Variants in FBN1 observed in about 807,000 individuals in gnomAD.
The protein encoded by FBN1 is fibrillin-1.
A neutral mutation model predicts 365.1 loss-of-function variants in FBN1; 29 were observed. The ratio of observed to expected loss-of-function variants is 0.08; its 90% CI spans 0.06 to 0.11. The LOEUF is 0.11. Among genes scored for constraint, FBN1 ranks in the 10% least tolerant of loss-of-function variants. The probability of loss-of-function intolerance (pLI) is 1.00; values close to 1 mark genes in which losing one functional copy is unlikely to be tolerated. For missense variants in FBN1, 2,476 were observed against 3,703.2 expected, an observed-to-expected ratio of 0.67 and a Z score of 8.60; for synonymous variants, 1,210 against 1,270.5, an observed-to-expected ratio of 0.95 and a Z score of 1.01.
rs564213580 is a variant in FBN1 at position 48,591,738 on chromosome 15, T to G, written c.538+4545A>C. The stretch of plus-strand genomic sequence containing the variant: ...TATGAGTGGCCCCTTTCCAGTGAGG[T>G]CTTCAGAGTTACGAGTGGCCCCTTT... On this transcript the variant is annotated intron_variant, in intron 6 of 65. Transcript: ENST00000316623. Among the ~76,000 whole-genome samples the G allele has an allele frequency of 2.1e-3, 324 of 151,664 alleles. 3 individuals are homozygous for G. Among genetic ancestry groups the G allele is most frequent in the South Asian group, 3.1e-3 (15 of 4,808 alleles).
chr15:48,629,216 G>A (rs1889940267), intron 2 of FBN1, among the ~76,000 whole-genome samples: 1 of 152,314 alleles, frequency 6.6e-6, no homozygotes, highest in East Asian at 1.9e-4. Context: ...AGTGTGCTTA[G>A]TGACATATTT....
intron 7 of FBN1, among the ~76,000 whole-genome samples, chr15:48,535,644 A>G (rs1265060537): frequency 1.3e-5 from 2 of 152,256 alleles, no homozygotes; most frequent in East Asian, 3.8e-4. Flanking sequence ...ATTGCTGTTT[A>G]TAAGATCTCA....
intron 17 of FBN1, 77 bp downstream of exon 17, chr15:48,503,710 G>T (rs1190938474): frequency 2.3e-5 from 36 of 1,595,994 alleles, no homozygotes; most frequent in Non-Finnish European, 8.6e-7. Flanking sequence ...CATCTTCCCT[G>T]TGAATTCCAC....
At chr15:48,454,421 T>C (rs2043224034) in intron 44 of FBN1, among the ~76,000 whole-genome samples, 1 of 152,196 alleles carries the variant, frequency 6.6e-6, no homozygotes. Flanking sequence ...TTGACTTTGC[T>C]TAGGGGGTTG....
intron 6 of FBN1, among the ~76,000 whole-genome samples, chr15:48,589,397 C>T (rs559667510): frequency 1.1e-4 from 16 of 152,134 alleles, no homozygotes; most frequent in African/African-American, 3.6e-4. Context: ...GTGCAGCCTG[C>T]GAGACAGAGG....
chr15:48,636,066 C>T (rs1393090282), intron 2 of FBN1, among the ~76,000 whole-genome samples: 4 of 152,220 alleles, frequency 2.6e-5, no homozygotes, highest in Non-Finnish European at 5.9e-5. Context: ...TTTCTCCCCT[C>T]CCAGCAGACA....
At chr15:48,426,953 C>A (rs1043347633) in intron 58 of FBN1, among the ~76,000 whole-genome samples, 1 of 152,116 alleles carries the variant, frequency 6.6e-6, no homozygotes, top group Non-Finnish European at 1.5e-5. Flanking sequence ...TCCCAAGAAG[C>A]TCAAAAAAGC....
chr15:48,465,935 A>C lies in FBN1; in HGVS notation c.4748-77T>G, dbSNP rs55694948. The C allele has an allele frequency of 0.16, 150,165 of 941,574 alleles. 12,622 individuals carry two copies. The highest frequency in any genetic ancestry group is 0.25 in the African/African-American group (15,243 of 61,218). The allele number at this position is 941,574 out of a possible 1,614,324, so 58.3% of individuals were successfully genotyped here. ...AATAGTATCCTCAAGAGAAATACTCACATATCCAACTGAAAATGTTCATTT... is the reference window on the plus strand; with the variant it reads ...AATAGTATCCTCAAGAGAAATACTCCCATATCCAACTGAAAATGTTCATTT... On this transcript the variant is annotated intron_variant, in intron 38 of 65. Coordinates refer to ENST00000316623, the MANE Select transcript of FBN1 (RefSeq NM_000138.5).
intron 6 of FBN1, among the ~76,000 whole-genome samples, chr15:48,548,222 G>A (rs2044112764): frequency 6.6e-6 from 1 of 152,138 alleles, no homozygotes; most frequent in Non-Finnish European, 1.5e-5. Flanking sequence ...TCACTAATGG[G>A]ACAATCACAT....
At chr15:48,534,656 T>A (rs2044000247) in intron 7 of FBN1, among the ~76,000 whole-genome samples, 1 of 152,156 alleles carries the variant, frequency 6.6e-6, no homozygotes, top group South Asian at 2.1e-4. Context: ...TTGTACTGAG[T>A]GATTTAGTTA....
At chr15:48,610,320 G>C (rs1248692147) in intron 4 of FBN1, among the ~76,000 whole-genome samples, 3 of 152,170 alleles carry the variant, frequency 2.0e-5, no homozygotes, top group Non-Finnish European at 4.4e-5. Flanking sequence ...GGGGTCTTGA[G>C]TCTTAAATAA....
chr15:48,523,758 G>A (rs2043882542), intron 9 of FBN1, among the ~76,000 whole-genome samples: 1 of 151,634 alleles, frequency 6.6e-6, no homozygotes, highest in Non-Finnish European at 1.5e-5. Context: ...TGTACAGAGG[G>A]TAAGGGGTGG....
rs1005187510 is a variant in FBN1, at chr15:48,470,616, T to C, written c.4459+18A>G. ...CGGGACACCAGGGAGCTGATTTTGA[T>C]GCCAGTGGAGGTCTTACCTGTGCAG... On this transcript the variant is annotated intron_variant, in intron 36 of 65. Coordinates refer to ENST00000316623, the MANE Select transcript of FBN1 (RefSeq NM_000138.5). 2 of 1,613,778 alleles carry C rather than the reference T, an allele frequency of 1.2e-6. No homozygotes were observed. Among genetic ancestry groups the C allele is most frequent in the Non-Finnish European group, 1.7e-6 (2 of 1,179,998 alleles).
chr15:48,454,436 T>C (rs2043224179), intron 44 of FBN1, among the ~76,000 whole-genome samples: 3 of 152,086 alleles, frequency 2.0e-5, no homozygotes, highest in African/African-American at 7.2e-5. Flanking sequence ...GGGTTGTCTG[T>C]CTACAAAACA....
intron 11 of FBN1, 133 bp from the exon 12 acceptor site, chr15:48,515,660 G>A: frequency 8.5e-7 from 1 of 1,175,162 alleles, no homozygotes; most frequent in South Asian, 1.3e-5. Flanking sequence ...GTCGTCTGGT[G>A]ACAACAGAGC....
intron 6 of FBN1, among the ~76,000 whole-genome samples, chr15:48,575,733 T>G (rs576010073): frequency 6.7e-6 from 1 of 149,984 alleles, no homozygotes; most frequent in African/African-American, 2.5e-5. Context: ...ACAGCACTAT[T>G]CCCAAAGCAA....
chr15:48,599,079 C>A (rs1044076099), intron 5 of FBN1, among the ~76,000 whole-genome samples: 7 of 152,176 alleles, frequency 4.6e-5, no homozygotes, highest in East Asian at 3.8e-4. Context: ...GTCCAATAAA[C>A]CTCTTTCTTT....
intron 8 of FBN1, 45 bp from the exon 9 acceptor site, chr15:48,526,300 TA>T (rs2043914456): frequency 6.2e-7 from 1 of 1,607,862 alleles, no homozygotes; most frequent in Non-Finnish European, 8.5e-7. Flanking sequence ...GAACACAATA[TA>T]AAACCATTCG....
chr15:48,500,575 A>G (rs2043646023), intron 17 of FBN1, among the ~76,000 whole-genome samples: 1 of 152,240 alleles, frequency 6.6e-6, no homozygotes, highest in Non-Finnish European at 1.5e-5. Context: ...CCTGAATAAA[A>G]AAATAAGTAA....
Sources: allele counts gnomAD v4.1 joint callset (sites outside exome capture counted in the v4.1 genomes callset), GRCh38; gene constraint gnomAD v4.1.1; transcripts MANE v1.5; gene names NCBI Gene and HGNC (gene_info 2026-07-23, HGNC 2026-07-21).